The following ZBTB20 variants were observed in gnomAD, a reference collection of about 807,000 sequenced individuals.
ZBTB20 encodes zinc finger and BTB domain-containing protein 20.
Under a neutral mutation model 56.9 loss-of-function variants are expected in ZBTB20, and 9 were observed. The observed-to-expected ratio is 0.16, with a 90% CI of 0.10 to 0.28. The LOEUF (loss-of-function observed/expected upper bound fraction) is 0.28, where lower values mean the gene tolerates loss of function less well. ZBTB20 is among the 10% of genes least tolerant of loss of function. The pLI is 1.00. For synonymous variants in ZBTB20, 417 were observed against 420.7 expected, an observed-to-expected ratio of 0.99 and a Z score of 0.11; for missense variants, 655 against 1,003.0, an observed-to-expected ratio of 0.65 and a Z score of 4.69.
chr3:114,618,683 G>A (rs767446826), intron 6 of ZBTB20, among the ~76,000 whole-genome samples: 1 of 152,084 alleles, frequency 6.6e-6, no homozygotes, highest in Non-Finnish European at 1.5e-5. Context: ...AAGTTGAATG[G>A]GTTACTATTA....
intron 6 of ZBTB20, among the ~76,000 whole-genome samples, chr3:114,669,539 A>G (rs938923873): frequency 6.6e-6 from 1 of 151,892 alleles, no homozygotes; most frequent in African/African-American, 2.4e-5. Flanking sequence ...GAATTCCAGG[A>G]GGTATAAAAA....
At chr3:114,368,416 G>C (rs948039920) in intron 10 of ZBTB20, among the ~76,000 whole-genome samples, 3 of 152,102 alleles carry the variant, frequency 2.0e-5, no homozygotes, top group African/African-American at 7.2e-5. Flanking sequence ...CACCCTGAAG[G>C]CATATCGGAG....
At chr3:114,872,436 G>C (rs1245845788) in intron 4 of ZBTB20, among the ~76,000 whole-genome samples, 1 of 152,104 alleles carries the variant, frequency 6.6e-6, no homozygotes, top group Non-Finnish European at 1.5e-5. Context: ...GTAGCCAAAA[G>C]TTGACTCAGG....
chr3:114,741,896 G>GA (rs2066623577), intron 5 of ZBTB20, among the ~76,000 whole-genome samples: 1 of 148,826 alleles, frequency 6.7e-6, no homozygotes, highest in Non-Finnish European at 1.5e-5. Flanking sequence ...AAAAAGAAAA[G>GA]AAAAAAAGAC....
intron 6 of ZBTB20, among the ~76,000 whole-genome samples, chr3:114,666,892 C>G (rs369702392): frequency 6.6e-6 from 1 of 151,920 alleles, no homozygotes; most frequent in East Asian, 1.9e-4. Flanking sequence ...GTCATACCAC[C>G]AGTTCCTTTT....
At chr3:114,850,649 G>A (rs1029590503) in intron 4 of ZBTB20, among the ~76,000 whole-genome samples, 5 of 152,224 alleles carry the variant, frequency 3.3e-5, no homozygotes, top group African/African-American at 1.2e-4. Context: ...TTTGAACTAA[G>A]GTGGTCTGGC....
chr3:115,118,747 C>A (rs1479840347), intron 1 of ZBTB20, among the ~76,000 whole-genome samples: 1 of 110,144 alleles, frequency 9.1e-6, no homozygotes, highest in African/African-American at 3.5e-5. Flanking sequence ...GACGGAGTCT[C>A]GCTCTGTCGC....
At chr3:114,564,563 A>G (rs955087564) in intron 6 of ZBTB20, among the ~76,000 whole-genome samples, 12 of 152,290 alleles carry the variant, frequency 7.9e-5, no homozygotes, top group African/African-American at 2.9e-4. Flanking sequence ...TGTGGAAATC[A>G]TGGTCTTAGC....
chr3:114,497,463 G>A (rs2043414514), intron 7 of ZBTB20, among the ~76,000 whole-genome samples: 1 of 152,124 alleles, frequency 6.6e-6, no homozygotes, highest in Non-Finnish European at 1.5e-5. Context: ...GAATCTCGCT[G>A]CTACTTAACG....
intron 4 of ZBTB20, among the ~76,000 whole-genome samples, chr3:114,830,265 TTA>T (rs2073773892): frequency 6.6e-6 from 1 of 151,932 alleles, no homozygotes; most frequent in Non-Finnish European, 1.5e-5. Context: ...TATGGGGTGA[TTA>T]TTCACATTTT....
rs956644104 is a variant in ZBTB20, at chr3:114,902,815, T to C, written c.-455-2473A>G. ...AAACCAAAGCAAATAAGTTAGTTACTGGTTAATCCTGCTAAAAGACACTGT... is the reference window on the plus strand; with the variant it reads ...AAACCAAAGCAAATAAGTTAGTTACCGGTTAATCCTGCTAAAAGACACTGT... On this transcript the variant is annotated intron_variant, in intron 3 of 11. Transcript: ENST00000675478. Among the ~76,000 whole-genome samples, 3 of 152,280 alleles carry C rather than the reference T, an allele frequency of 2.0e-5. No individual in the cohort carries two copies. The East Asian group carries it at 5.8e-4, about 29-fold the overall frequency.
chr3:114,607,668 C>A (rs1338221747), intron 6 of ZBTB20, among the ~76,000 whole-genome samples: 1 of 152,164 alleles, frequency 6.6e-6, no homozygotes, highest in African/African-American at 2.4e-5. Flanking sequence ...GCCAATATGA[C>A]AAACCCTTGT....
chr3:114,570,277 A>G (rs1365538203), intron 6 of ZBTB20, among the ~76,000 whole-genome samples: 1 of 151,836 alleles, frequency 6.6e-6, no homozygotes, highest in Admixed American at 6.6e-5. Context: ...TTGGGTTCAT[A>G]TCCCTCCAAA....
intron 6 of ZBTB20, among the ~76,000 whole-genome samples, chr3:114,634,783 C>A (rs902724232): frequency 3.3e-5 from 5 of 152,180 alleles, no homozygotes; most frequent in African/African-American, 1.2e-4. Flanking sequence ...TCTCCTGTGC[C>A]ACAGAAAGTG....
At chr3:114,774,908 TA>T (rs1047549647) in intron 5 of ZBTB20, among the ~76,000 whole-genome samples, 1 of 150,954 alleles carries the variant, frequency 6.6e-6, no homozygotes, top group South Asian at 2.1e-4. Context: ...TGTTAGTGAA[TA>T]AAAAAAAAGA....
intron 7 of ZBTB20, 66 bp downstream of exon 7, chr3:114,500,286 T>A (rs148961806): frequency 6.6e-6 from 1 of 151,528 alleles, no homozygotes; most frequent in Non-Finnish European, 1.5e-5. Flanking sequence ...AATATGCCAG[T>A]GAAAACCACA....
At chr3:114,825,722 G>A (rs1428243581) in intron 4 of ZBTB20, among the ~76,000 whole-genome samples, 1 of 151,814 alleles carries the variant, frequency 6.6e-6, no homozygotes, top group Admixed American at 6.6e-5. Context: ...ATTGATTTAC[G>A]TTGGTAAATC....
intron 7 of ZBTB20, among the ~76,000 whole-genome samples, chr3:114,415,686 G>T (rs2088471496): frequency 6.6e-6 from 1 of 152,016 alleles, no homozygotes; most frequent in South Asian, 2.1e-4. Context: ...CATAGTCAAG[G>T]ATTCTAATTT....
intron 7 of ZBTB20, among the ~76,000 whole-genome samples, chr3:114,461,547 C>T (rs2092331493): frequency 6.6e-6 from 1 of 152,158 alleles, no homozygotes; most frequent in Non-Finnish European, 1.5e-5. Context: ...CTCAAATGGT[C>T]CTCCCACTTG....
Sources: gnomAD v4.1 joint callset for allele counts (sites outside exome capture counted in the v4.1 genomes callset) on GRCh38, gnomAD v4.1.1 for gene constraint, MANE v1.5 for transcripts, NCBI Gene and HGNC (gene_info 2026-07-23, HGNC 2026-07-21) for gene names.